PTPRN2: variants seen among roughly 807,000 people sequenced by gnomAD.
PTPRN2 encodes the protein protein tyrosine phosphatase receptor type N2.
Under a neutral mutation model 118.8 loss-of-function variants are expected in PTPRN2, and 74 were observed. The ratio of observed to expected loss-of-function variants is 0.62; its 90% CI spans 0.52 to 0.76. The LOEUF (loss-of-function observed/expected upper bound fraction) is 0.76. Ranked by LOEUF, PTPRN2 falls within the 30% of genes least tolerant of loss-of-function variation. PTPRN2 has a pLI of 0.00. For synonymous variants in PTPRN2, 641 were observed against 608.0 expected (o/e 1.05, Z -0.80); for missense variants, 1,481 against 1,394.4 (o/e 1.06, Z -0.99).
chr7:158,169,210 G>A (rs1377389722), intron 5 of PTPRN2, among the ~76,000 whole-genome samples: 2 of 152,144 alleles, frequency 1.3e-5, no homozygotes, highest in Non-Finnish European at 2.9e-5. Flanking sequence ...CCTGGGAGTT[G>A]GGAAGTGGGT....
intron 10 of PTPRN2, among the ~76,000 whole-genome samples, chr7:158,106,629 A>G (rs571979963): frequency 3.3e-5 from 5 of 152,198 alleles, no homozygotes; most frequent in Non-Finnish European, 7.3e-5. Context: ...CTCTCCACAC[A>G]AACGCCTACC....
At chr7:158,545,346 C>T (rs1362581716) in intron 1 of PTPRN2, among the ~76,000 whole-genome samples, 1 of 152,228 alleles carries the variant, frequency 6.6e-6, no homozygotes, top group African/African-American at 2.4e-5. Context: ...GTGCTGCAGA[C>T]CGACGCAGTG....
chr7:157,852,759 C>G (rs954162600), intron 12 of PTPRN2, among the ~76,000 whole-genome samples: 1 of 150,198 alleles, frequency 6.7e-6, no homozygotes, highest in South Asian at 2.1e-4. Context: ...ATCCCAGCTA[C>G]TCGGGAGGCT....
At chr7:157,573,957 A>AT (rs1799886782) in intron 19 of PTPRN2, among the ~76,000 whole-genome samples, 3 of 152,144 alleles carry the variant, frequency 2.0e-5, no homozygotes, top group African/African-American at 7.2e-5. Flanking sequence ...TGAGGACTTT[A>AT]TTTACAAAGG....
At chr7:157,962,669 G>A (rs1402024484) in intron 11 of PTPRN2, among the ~76,000 whole-genome samples, 5 of 152,230 alleles carry the variant, frequency 3.3e-5, no homozygotes, top group Admixed American at 3.3e-4. Context: ...GGACAAGCTG[G>A]AAGAGTCCGG....
chr7:157,981,582 AT>A (rs33911310), intron 11 of PTPRN2, among the ~76,000 whole-genome samples: 20,884 of 151,926 alleles, frequency 0.14, 1,561 homozygotes, highest in Admixed American at 0.19. Flanking sequence ...GAGTGATTCC[AT>A]TTTTTTTTGT....
At chr7:157,989,914 G>A (rs941747416) in intron 11 of PTPRN2, among the ~76,000 whole-genome samples, 5 of 151,976 alleles carry the variant, frequency 3.3e-5, no homozygotes, top group South Asian at 2.1e-4. Context: ...CCAGGGCTGC[G>A]CTGACCTGCC....
At chr7:157,823,769 G>A (rs1178633024) in intron 12 of PTPRN2, among the ~76,000 whole-genome samples, 1 of 152,066 alleles carries the variant, frequency 6.6e-6, no homozygotes, top group East Asian at 1.9e-4. Flanking sequence ...TAAACATCTG[G>A]GGATTTGATG....
At chr7:157,884,323 G>A (rs1796337717) in intron 12 of PTPRN2, among the ~76,000 whole-genome samples, 1 of 152,214 alleles carries the variant, frequency 6.6e-6, no homozygotes, top group Non-Finnish European at 1.5e-5. Flanking sequence ...TATAGGAGAA[G>A]CTCTGAAAAC....
Position 158,538,118 on chromosome 7 carries a change from C to T in PTPRN2, c.113-48333G>A, listed in dbSNP as rs528804955. Among the ~76,000 whole-genome samples, 13 of 152,322 alleles carry T rather than the reference C, an allele frequency of 8.5e-5. 2 individuals carry two copies. The highest frequency in any genetic ancestry group is 2.6e-4 in the African/African-American group (11 of 41,580). On this transcript the variant is annotated intron_variant, in intron 1 of 22. Coordinates refer to ENST00000389418, the MANE Select transcript of PTPRN2 (RefSeq NM_002847.5). ...AGGGTCCCCCTGTGGAGCTCTCTTC[C>T]GGACGCTGGCGGAAAAGAGCACAGC...
At chr7:158,274,361 G>GGGAGCCGCGGGA (rs1798802624) in intron 3 of PTPRN2, among the ~76,000 whole-genome samples, 1 of 45,594 alleles carries the variant, frequency 2.2e-5, no homozygotes, top group Non-Finnish European at 4.2e-5. Flanking sequence ...CAGACACAGG[G>GGGAGCCGCGGGA]GGAGCCGCAG....
At chr7:157,688,588 C>T (rs1797308600) in intron 12 of PTPRN2, among the ~76,000 whole-genome samples, 1 of 152,236 alleles carries the variant, frequency 6.6e-6, no homozygotes, top group Non-Finnish European at 1.5e-5. Context: ...CCTGCCTGGA[C>T]GCACGCGCGC....
intron 11 of PTPRN2, among the ~76,000 whole-genome samples, chr7:158,034,805 G>A (rs1454605683): frequency 6.6e-6 from 1 of 152,236 alleles, no homozygotes; most frequent in African/African-American, 2.4e-5. Context: ...CACTTGGGGT[G>A]TAAGAGCTGG....
chr7:158,270,377 A>T (rs1798229607), intron 3 of PTPRN2, among the ~76,000 whole-genome samples: 1 of 152,036 alleles, frequency 6.6e-6, no homozygotes, highest in Admixed American at 6.5e-5. Context: ...CGGGGTGAGG[A>T]CGCCTCCTTG....
Position 158,087,567 on chromosome 7 carries a change from T to C in PTPRN2, c.1644-6190A>G, listed in dbSNP as rs182375104. Among the ~76,000 whole-genome samples the C allele has an allele frequency of 5.3e-3, 755 of 141,764 alleles. 42 individuals carry two copies. Among genetic ancestry groups the C allele is most frequent in the Admixed American group, 0.039 (504 of 12,970 alleles). 93.0% of individuals were successfully genotyped at this position (141,764 alleles called of 152,430 possible). ...CAAAAAGGAATGCTGCCCACTCAGATGCAAACGCTTCCTCCCCTGACGAAG... is the reference window on the plus strand; with the variant it reads ...CAAAAAGGAATGCTGCCCACTCAGACGCAAACGCTTCCTCCCCTGACGAAG... On this transcript the variant is annotated intron_variant, in intron 10 of 22. Transcript: ENST00000389418.
At chr7:158,209,167 AAACAAAT>A (rs1038974215) in intron 3 of PTPRN2, among the ~76,000 whole-genome samples, 20 of 152,186 alleles carry the variant, frequency 1.3e-4, no homozygotes, top group African/African-American at 4.8e-4. Context: ...AACAATCAGA[AAACAAAT>A]AACAAAATGG....
At chr7:157,715,219 G>A (rs746994976) in intron 12 of PTPRN2, among the ~76,000 whole-genome samples, 2 of 152,204 alleles carry the variant, frequency 1.3e-5, no homozygotes, top group Non-Finnish European at 2.9e-5. Context: ...GGCTGGAGGC[G>A]GGAGTCCAGG....
At chr7:157,931,514 A>G (rs1452028300) in intron 11 of PTPRN2, among the ~76,000 whole-genome samples, 1 of 152,230 alleles carries the variant, frequency 6.6e-6, no homozygotes, top group Non-Finnish European at 1.5e-5. Flanking sequence ...TGTGAGCTCA[A>G]TTCTTAATCT....
At chr7:157,713,848 G>A (rs2159470) in intron 12 of PTPRN2, among the ~76,000 whole-genome samples, 35,656 of 152,086 alleles carry the variant, frequency 0.23, 5,006 homozygotes, top group Non-Finnish European at 0.32. Context: ...CAGCTCTCGT[G>A]GGCTGTGCCC....
Sources: allele counts gnomAD v4.1 joint callset (sites outside exome capture counted in the v4.1 genomes callset), GRCh38; gene constraint gnomAD v4.1.1; transcripts MANE v1.5; gene names NCBI Gene and HGNC (gene_info 2026-07-23, HGNC 2026-07-21).